Variants in AANAT observed in about 807,000 individuals in gnomAD.
AANAT encodes the protein aralkylamine N-acetyltransferase.
AANAT carries 11 observed loss-of-function variants against 15.6 expected under a neutral mutation model. The observed-to-expected ratio is 0.71, with a 90% CI of 0.44 to 1.17. The LOEUF is 1.17. Ranked by LOEUF, AANAT falls within the 50% of genes most tolerant of loss-of-function variation. AANAT has a pLI of 0.00. For missense variants in AANAT, 286 were observed against 296.3 expected, an observed-to-expected ratio of 0.97 and a Z score of 0.26; for synonymous variants, 139 against 131.5, an observed-to-expected ratio of 1.06 and a Z score of -0.39.
rs184931713 is a variant in AANAT, at chr17:76,460,300, C to T, written c.-456+934C>T. Among the ~76,000 whole-genome samples, 9 of 152,006 alleles carry T rather than the reference C, an allele frequency of 5.9e-5. No individual in the cohort carries two copies. In the East Asian group the frequency reaches 1.7e-3, roughly 29 times the overall value. On this transcript the variant is annotated intron_variant, in intron 2 of 6. Coordinates refer to the AANAT transcript ENST00000250615. ...AGTAGCTGGGATTACAAATGCCCCA[C>T]CACCACACCTGGGTAATTTTTTTGT...
upstream of AANAT, among the ~76,000 whole-genome samples, chr17:76,467,291 C>T (rs1450834706): frequency 1.3e-5 from 2 of 152,168 alleles, no homozygotes; most frequent in East Asian, 3.8e-4. Flanking sequence ...CCCCTCCCCC[C>T]ACATAAGAGG....
At chr17:76,465,994 G>A (rs960421346), upstream of AANAT, 7 of 617,816 alleles carry the variant, frequency 1.1e-5, no homozygotes, top group Non-Finnish European at 1.5e-5. Context: ...GGATTACAGC[G>A]GTGAGCCACT....
chr17:76,464,528 G>A (rs1056510223), upstream of AANAT, among the ~76,000 whole-genome samples: 1 of 151,986 alleles, frequency 6.6e-6, no homozygotes, highest in African/African-American at 2.4e-5. Flanking sequence ...ACCCCTGAGG[G>A]GAGCCATCAT....
Position 76,469,192 on chromosome 17 carries a change from C to T in AANAT, c.183C>T (p.Gly61=), listed in dbSNP as rs372670134. The T allele has an allele frequency of 7.4e-6, 12 of 1,614,154 alleles. No homozygotes were observed. The highest frequency in any genetic ancestry group is 1.6e-4 in the Middle Eastern group (1 of 6,062). The change falls in exon 3 of 4, where the codon GGC becomes GGT. Residue 61 remains glycine (G), a synonymous_variant. Coordinates refer to ENST00000392492, the MANE Select transcript of AANAT (RefSeq NM_001088.3). The surrounding 1 kb of genome is among the most constrained non-coding windows in gnomAD (Gnocchi z 5.2). ...CCACAGCCTTCATCTCCGTCTTGGG[C>T]GTCTGCCCCCTGTACCTGGATGAGA... ...IEREAFISVL[G]VCPLYLDEIR... is the part of the protein sequence containing the mutation.
chr17:76,460,851 C>T lies in AANAT; in HGVS notation c.-455-1465C>T, dbSNP rs1598636630. On this transcript the variant is annotated intron_variant, in intron 2 of 6. Transcript: ENST00000250615. ...AAGGCAGGGTCCCACTCAGCCCTGCCTTTGAGTCACCCACCTCAACGGAAG... is the reference window on the plus strand; with the variant it reads ...AAGGCAGGGTCCCACTCAGCCCTGCTTTTGAGTCACCCACCTCAACGGAAG... Among the ~76,000 whole-genome samples, 2 of 152,092 alleles carry T rather than the reference C, an allele frequency of 1.3e-5. 1 individual carries two copies. The highest frequency in any genetic ancestry group is 4.1e-4 in the South Asian group (2 of 4,828).
At chr17:76,461,114 G>A (rs1327863455) in intron 2 of AANAT, among the ~76,000 whole-genome samples, 3 of 151,864 alleles carry the variant, frequency 2.0e-5, no homozygotes, top group East Asian at 1.9e-4. Flanking sequence ...TCAGTGAGCC[G>A]AAATCGCGCC....
chr17:76,469,471 C>A lies in AANAT; in HGVS notation c.318+144C>A. The A allele has an allele frequency of 7.7e-7, 1 of 1,296,862 alleles. No individual in the cohort carries two copies. The highest frequency in any genetic ancestry group is 1.0e-6 in the Non-Finnish European group (1 of 953,892). 80.3% of individuals were successfully genotyped at this position (1,296,862 alleles called of 1,614,324 possible). A position where few individuals can be genotyped will look rare whatever the true frequency, so the allele number is the denominator to read the frequency against. ...TACAGGCCACAGGCCCCTCCCAGAGCAAGACCTTCTGGGTCTTCAAGTTTT... is the reference window on the plus strand; with the variant it reads ...TACAGGCCACAGGCCCCTCCCAGAGAAAGACCTTCTGGGTCTTCAAGTTTT... On this transcript the variant is annotated intron_variant, in intron 3 of 3. Coordinates refer to ENST00000392492, the MANE Select transcript of AANAT (RefSeq NM_001088.3). The surrounding 1 kb of genome is among the most constrained non-coding windows in gnomAD (Gnocchi z 5.2).
intron 1 of AANAT, among the ~76,000 whole-genome samples, chr17:76,454,984 G>A (rs562823673): frequency 2.8e-4 from 42 of 151,014 alleles, no homozygotes; most frequent in African/African-American, 8.3e-4. Flanking sequence ...AAAATTAGCC[G>A]GGCGCGGTGG....
chr17:76,457,896 C>A (rs2073354949), intron 1 of AANAT, among the ~76,000 whole-genome samples: 1 of 152,162 alleles, frequency 6.6e-6, no homozygotes, highest in African/African-American at 2.4e-5. Flanking sequence ...ATTAGCCAGG[C>A]TTGGTGGCGG....
At chr17:76,454,095 C>G (rs370410096) in intron 1 of AANAT, among the ~76,000 whole-genome samples, 1 of 152,142 alleles carries the variant, frequency 6.6e-6, no homozygotes, top group East Asian at 1.9e-4. Context: ...TAAGCTTAAC[C>G]ATTGTTGTAC....
upstream of AANAT, chr17:76,465,803 A>G (rs1290501425): frequency 1.1e-5 from 3 of 278,316 alleles, no homozygotes; most frequent in African/African-American, 4.6e-5. Flanking sequence ...CAAGGGTTTG[A>G]ACTTCCCAGT....
chr17:76,469,869 G>T lies in AANAT; in HGVS notation c.523G>T (p.Ala175Ser). 1 of 1,594,384 alleles carries T rather than the reference G, an allele frequency of 6.3e-7. No individual in the cohort carries two copies. Among genetic ancestry groups the T allele is most frequent in the South Asian group, 1.1e-5 (1 of 88,110 alleles). The change falls in exon 4 of 4, where the codon GCC (alanine) becomes TCC (serine). Residue 175 changes from alanine to serine, a missense_variant. Ala to Ser is a moderately conservative substitution (Grantham distance 99). Coordinates refer to ENST00000392492, the MANE Select transcript of AANAT (RefSeq NM_001088.3). The surrounding 1 kb of genome is among the most constrained non-coding windows in gnomAD (Gnocchi z 5.2). The stretch of plus-strand genomic sequence containing the variant: ...CTTCTATGAGAGGTTCAGCTTCCAC[G>T]CCGTGGGCCCCTGCGCCATCACCGT... Reference protein sequence around the residue: ...VPFYERFSFHAVGPCAITVGS... With the variant: ...VPFYERFSFHSVGPCAITVGS...
chr17:76,463,113 G>A (rs1455492182), upstream of AANAT, among the ~76,000 whole-genome samples: 1 of 152,120 alleles, frequency 6.6e-6, no homozygotes, highest in Non-Finnish European at 1.5e-5. Flanking sequence ...GCTCTCCGGG[G>A]GTATCAGCAG....
Position 76,470,087 on chromosome 17 carries a change from AGAG to A in AANAT, c.*121_*123del, listed in dbSNP as rs777437724. 11 of 1,167,138 alleles carry A rather than the reference AGAG, an allele frequency of 9.4e-6. No homozygotes were observed. The highest frequency in any genetic ancestry group is 1.3e-5 in the Non-Finnish European group (11 of 871,166). The allele number at this position is 1,167,138 out of a possible 1,614,324, so 72.3% of individuals were successfully genotyped here. ...GAGTGGAGAGAGCAGGGCTAAATAAAGAGGAGATAAGGTGGCTTCTCACGGCCT... is the reference window on the plus strand; with the variant it reads ...GAGTGGAGAGAGCAGGGCTAAATAAAGAGATAAGGTGGCTTCTCACGGCCT... On this transcript the variant is annotated 3_prime_UTR_variant, in exon 4 of 4. Transcript: ENST00000392492.
Position 76,468,771 on chromosome 17 carries a change from CT to C in AANAT, c.26del (p.Leu9ArgfsTer66). On this transcript the variant is annotated frameshift_variant, in exon 2 of 4. Transcript: ENST00000392492. LOFTEE classifies it high-confidence loss of function. ...AATGTCCACGCAGAGCACCCACCCC[CT>C]GAAACCTGAGGCCCCACGTCTGCCA... is the stretch of plus-strand genomic sequence containing the variant. MSTQSTHP[L>X]KPEAPRLPPG... The C allele has an allele frequency of 6.2e-7, 1 of 1,613,164 alleles. No individual in the cohort carries two copies.
chr17:76,464,691 C>T (rs2073420207), upstream of AANAT, among the ~76,000 whole-genome samples: 1 of 151,910 alleles, frequency 6.6e-6, no homozygotes, highest in Admixed American at 6.6e-5. Flanking sequence ...GCATGAGCCA[C>T]GACGTCAAGC....
chr17:76,468,103 G>C (rs2073459261), intron 1 of AANAT, among the ~76,000 whole-genome samples: 1 of 152,010 alleles, frequency 6.6e-6, no homozygotes, highest in Non-Finnish European at 1.5e-5. Context: ...GGCTCCCTAA[G>C]GGCCCACTTT....
chr17:76,470,001 TC>T lies in AANAT; in HGVS notation c.*35del. ...GCTGCCCACCTGGCTGCCAACATGA[TC>T]CCCGTCTCTGCCCTGGGCTCCTCTT... On this transcript the variant is annotated 3_prime_UTR_variant, in exon 4 of 4. Transcript: ENST00000392492. 1 of 1,446,436 alleles carries T rather than the reference TC, an allele frequency of 6.9e-7. No homozygotes were observed. The highest frequency in any genetic ancestry group is 9.1e-7 in the Non-Finnish European group (1 of 1,095,710). The allele number at this position is 1,446,436 out of a possible 1,614,324, so 89.6% of individuals were successfully genotyped here.
upstream of AANAT, among the ~76,000 whole-genome samples, chr17:76,463,632 C>T (rs2073410186): frequency 6.6e-6 from 1 of 152,022 alleles, no homozygotes; most frequent in African/African-American, 2.4e-5. Flanking sequence ...TCTTAAAGGT[C>T]ATCGGAGCCT....
Sources: allele counts gnomAD v4.1 joint callset (sites outside exome capture counted in the v4.1 genomes callset), GRCh38; gene constraint gnomAD v4.1.1; non-coding constraint Gnocchi (gnomAD v3.1); transcripts MANE v1.5; gene names NCBI Gene and HGNC (gene_info 2026-07-23, HGNC 2026-07-21).